Variants in DAAM1 observed in about 807,000 individuals in gnomAD.
DAAM1 encodes the protein dishevelled associated activator of morphogenesis 1, also known as disheveled-associated activator of morphogenesis 1.
In DAAM1, 52 loss-of-function variants were observed where a neutral mutation model predicts 130.0. The observed-to-expected ratio is 0.40, with a 90% CI of 0.32 to 0.50. DAAM1 has a LOEUF of 0.50. DAAM1 is among the 20% of genes least tolerant of loss of function. DAAM1 has a pLI of 0.61. For missense variants in DAAM1, 1,134 were observed against 1,303.8 expected (o/e 0.87, Z 2.01); for synonymous variants, 452 against 444.5 (o/e 1.02, Z -0.21).
chr14:59,240,044 G>A (rs1456957104), intron 1 of DAAM1, among the ~76,000 whole-genome samples: 3 of 152,128 alleles, frequency 2.0e-5, no homozygotes, highest in African/African-American at 4.8e-5. Flanking sequence ...ACAGTCTTCT[G>A]TAAAACAAGA....
At chr14:59,213,936 A>G (rs1888502480) in intron 1 of DAAM1, among the ~76,000 whole-genome samples, 1 of 152,192 alleles carries the variant, frequency 6.6e-6, no homozygotes, top group African/African-American at 2.4e-5. Flanking sequence ...TCAAAGGGCA[A>G]CCTCAGAGCT....
chr14:59,310,009 G>T (rs538883251), intron 3 of DAAM1, among the ~76,000 whole-genome samples: 17 of 152,100 alleles, frequency 1.1e-4, no homozygotes, highest in African/African-American at 4.1e-4. Context: ...CTAGGTTTCT[G>T]TATAAATTTT....
intron 16 of DAAM1, 37 bp from the exon 17 acceptor site, chr14:59,347,502 A>T (rs750076344): frequency 6.3e-7 from 1 of 1,589,434 alleles, no homozygotes; most frequent in South Asian, 1.1e-5. Flanking sequence ...TTAATACTCA[A>T]ACCAATATGG....
Position 59,359,453 on chromosome 14 carries a change from T to G in DAAM1, c.2582T>G (p.Val861Gly). 1 of 1,613,962 alleles carries G rather than the reference T, an allele frequency of 6.2e-7. No individual in the cohort carries two copies. Among genetic ancestry groups the G allele is most frequent in the Non-Finnish European group, 8.5e-7 (1 of 1,179,902 alleles). ...ITIVENKYPS[V>G]LNLNEELRDI... is the part of the protein sequence containing the mutation. ...ATTGTGGAAAATAAGTACCCCAGTG[T>G]TCTCAATCTAAATGAAGAATTGCGA... The change falls in exon 21 of 25, where the codon GTT becomes GGT. Residue 861 changes from valine (V) to glycine (G), a missense_variant. Val to Gly is a moderately radical substitution (Grantham distance 109, BLOSUM62 -3). Transcript: ENST00000360909.
At chr14:59,259,242 A>T (rs1054602083) in intron 1 of DAAM1, among the ~76,000 whole-genome samples, 2 of 152,192 alleles carry the variant, frequency 1.3e-5, no homozygotes, top group South Asian at 2.1e-4. Flanking sequence ...CGATTCTTCA[A>T]TGAGGGAATA....
At chr14:59,352,999 A>G (rs554748306) in intron 18 of DAAM1, among the ~76,000 whole-genome samples, 12 of 152,130 alleles carry the variant, frequency 7.9e-5, no homozygotes, top group Admixed American at 7.9e-4. Flanking sequence ...AACAAAAAAA[A>G]AAAAAAGAAA....
chr14:59,279,334 C>T (rs9805892), intron 2 of DAAM1, among the ~76,000 whole-genome samples: 34,779 of 152,078 alleles, frequency 0.23, 4,798 homozygotes, highest in African/African-American at 0.38. Flanking sequence ...CTTTATTTTT[C>T]ATGAATGCTT....
intron 2 of DAAM1, among the ~76,000 whole-genome samples, chr14:59,274,650 A>T (rs1363265884): frequency 6.6e-6 from 1 of 152,230 alleles, no homozygotes. Context: ...GAGATGCACA[A>T]TAAGTATTTG....
intron 2 of DAAM1, chr14:59,265,019 G>A (rs772173217): frequency 6.6e-6 from 1 of 152,240 alleles, no homozygotes; most frequent in Non-Finnish European, 1.5e-5. Flanking sequence ...AATGGAGTTA[G>A]TTCTAAATGG....
intron 1 of DAAM1, among the ~76,000 whole-genome samples, chr14:59,216,640 G>C (rs1045936433): frequency 2.0e-5 from 3 of 152,056 alleles, no homozygotes; most frequent in African/African-American, 7.2e-5. Flanking sequence ...AGAATAGCTT[G>C]AACTGGGAGG....
chr14:59,359,310 A>T, intron 20 of DAAM1, 87 bp from the exon 21 acceptor site: 2 of 992,476 alleles, frequency 2.0e-6, no homozygotes, highest in South Asian at 3.3e-5. Flanking sequence ...CATATAAATC[A>T]TATGCAGATA....
At chr14:59,328,993 T>C (rs1885318753) in intron 12 of DAAM1, among the ~76,000 whole-genome samples, 1 of 152,212 alleles carries the variant, frequency 6.6e-6, no homozygotes, top group Non-Finnish European at 1.5e-5. Context: ...ACCTAAAATG[T>C]AGAGAATATT....
At chr14:59,227,622 G>A (rs757766887) in intron 1 of DAAM1, among the ~76,000 whole-genome samples, 15 of 152,170 alleles carry the variant, frequency 9.9e-5, no homozygotes, top group Non-Finnish European at 2.2e-4. Context: ...TCTCGATTAT[G>A]TGTCACCTCG....
At chr14:59,214,459 CT>C (rs1333110694) in intron 1 of DAAM1, among the ~76,000 whole-genome samples, 1 of 152,222 alleles carries the variant, frequency 6.6e-6, no homozygotes, top group African/African-American at 2.4e-5. Context: ...AGATGTCTCA[CT>C]TTAGGCAATA....
intron 2 of DAAM1, among the ~76,000 whole-genome samples, chr14:59,282,264 T>A (rs542890864): frequency 3.9e-5 from 6 of 152,278 alleles, no homozygotes; most frequent in African/African-American, 1.4e-4. Flanking sequence ...GTGTGACTAT[T>A]TGATTTCCCC....
chr14:59,326,516 G>C lies in DAAM1; in HGVS notation c.1181G>C (p.Arg394Thr). 6.4e-7 allele frequency: 1 copy of C among 1,573,430 alleles called. No homozygotes were observed. Among genetic ancestry groups the C allele is most frequent in the Non-Finnish European group, 8.6e-7 (1 of 1,162,672 alleles). The change falls in exon 11 of 25, where the codon AGG becomes ACG. Residue 394 changes from arginine to threonine, a missense_variant. Arg to Thr is a moderately conservative substitution (Grantham distance 71, BLOSUM62 -1). Around this residue, in one of 3 missense-constraint regions of DAAM1, gnomAD observed 391 missense variants for 521.6 expected, o/e 0.75. Coordinates refer to ENST00000360909, the MANE Select transcript of DAAM1 (RefSeq NM_001270520.2). ...CTATTCTTTTCTTTTTTAGACAAGA[G>C]GAGTGGCAACACTGTTCAGTACTGG... ...LHHCLQMPYK[R>T]SGNTVQYWLL...
At chr14:59,256,483 A>G (rs758598130) in intron 1 of DAAM1, among the ~76,000 whole-genome samples, 3 of 152,202 alleles carry the variant, frequency 2.0e-5, no homozygotes, top group Non-Finnish European at 4.4e-5. Context: ...AATCTTAAGA[A>G]GCTTTTTAAA....
chr14:59,340,794 A>G (rs1302239222), intron 16 of DAAM1, among the ~76,000 whole-genome samples: 1 of 152,190 alleles, frequency 6.6e-6, no homozygotes. Flanking sequence ...ACTTCGGGCA[A>G]TGTTGTCAGG....
intron 1 of DAAM1, among the ~76,000 whole-genome samples, chr14:59,207,647 C>T (rs927309655): frequency 5.3e-5 from 8 of 152,194 alleles, no homozygotes; most frequent in Non-Finnish European, 1.0e-4. Flanking sequence ...ACAACATCCT[C>T]GTGTTACAAT....
Sources: gnomAD v4.1 joint callset for allele counts (sites outside exome capture counted in the v4.1 genomes callset) on GRCh38, gnomAD v4.1.1 for gene constraint, gnomAD v4.1.1 regional missense constraint, MANE v1.5 for transcripts, NCBI Gene and HGNC (gene_info 2026-07-23, HGNC 2026-07-21) for gene names.